Variants in CTNNA3 observed in about 807,000 individuals in gnomAD.
CTNNA3 encodes the protein catenin alpha-3.
In CTNNA3, 76 loss-of-function variants were observed where a neutral mutation model predicts 95.7. The observed-to-expected ratio is 0.79, with a 90% CI of 0.66 to 0.96. The LOEUF (loss-of-function observed/expected upper bound fraction) is 0.96, where lower values mean the gene tolerates loss of function less well. Among genes scored for constraint, CTNNA3 ranks in the 40% least tolerant of loss-of-function variants. CTNNA3 has a pLI of 0.00. For synonymous variants in CTNNA3, 431 were observed against 374.4 expected (o/e 1.15, Z -1.74); for missense variants, 1,191 against 1,089.8 (o/e 1.09, Z -1.31).
At chr10:66,861,939 C>A (rs7902786) in intron 7 of CTNNA3, among the ~76,000 whole-genome samples, 2 of 152,174 alleles carry the variant, frequency 1.3e-5, no homozygotes, top group Non-Finnish European at 2.9e-5. Flanking sequence ...TGTTAGCCAG[C>A]CACTGTGGGT....
intron 7 of CTNNA3, among the ~76,000 whole-genome samples, chr10:66,955,110 C>G (rs1380863149): frequency 6.6e-6 from 1 of 152,084 alleles, no homozygotes; most frequent in Non-Finnish European, 1.5e-5. Context: ...CTTCCTCTAA[C>G]CTCTGAAAAG....
At chr10:66,214,225 A>T (rs2088364507) in intron 13 of CTNNA3, among the ~76,000 whole-genome samples, 1 of 152,186 alleles carries the variant, frequency 6.6e-6, no homozygotes, top group Non-Finnish European at 1.5e-5. Flanking sequence ...AAAGGTGCCC[A>T]TTGAAATCTG....
chr10:66,209,450 G>A (rs1396363550), intron 13 of CTNNA3, among the ~76,000 whole-genome samples: 1 of 152,156 alleles, frequency 6.6e-6, no homozygotes, highest in Non-Finnish European at 1.5e-5. Context: ...GTGACATTTG[G>A]AAAAGAGTTG....
intron 9 of CTNNA3, among the ~76,000 whole-genome samples, chr10:66,624,653 G>T (rs548338804): frequency 2.8e-4 from 43 of 152,156 alleles, no homozygotes; most frequent in African/African-American, 9.9e-4. Context: ...AGAAATGAAA[G>T]GAAAAACTCA....
chr10:67,738,485 G>A (rs1841315559), intron 1 of CTNNA3, among the ~76,000 whole-genome samples: 1 of 152,084 alleles, frequency 6.6e-6, no homozygotes. Context: ...CACAAAGATG[G>A]GGAAAAAACA....
chr10:66,825,436 C>A (rs375086824), intron 7 of CTNNA3, among the ~76,000 whole-genome samples: 1 of 151,220 alleles, frequency 6.6e-6, no homozygotes, highest in African/African-American at 2.4e-5. Flanking sequence ...CCACCACACC[C>A]GGCTAATTTT....
chr10:67,240,776 G>A (rs1865687357), intron 5 of CTNNA3, among the ~76,000 whole-genome samples: 1 of 152,094 alleles, frequency 6.6e-6, no homozygotes, highest in Non-Finnish European at 1.5e-5. Context: ...AACCTATGAG[G>A]AAAACATTAT....
chr10:67,686,494 T>C lies in CTNNA3; in HGVS notation c.-6+9506A>G, dbSNP rs551503837. Among the ~76,000 whole-genome samples, 119 of 152,268 alleles carry C rather than the reference T, an allele frequency of 7.8e-4. No individual in the cohort carries two copies. In the Middle Eastern group the frequency reaches 0.014, roughly 17 times the overall value. ...GGCAGGGCTGAGGGCCACACATGTA[T>C]GCACTTGAAGCACTGGTCCCTCAAG... is the stretch of plus-strand genomic sequence containing the variant. On this transcript the variant is annotated intron_variant, in intron 1 of 17. Transcript: ENST00000433211.
At chr10:67,196,451 TATACTTATCAATTAA>T (rs1261600867) in intron 6 of CTNNA3, among the ~76,000 whole-genome samples, 19 of 152,088 alleles carry the variant, frequency 1.2e-4, no homozygotes, top group African/African-American at 4.6e-4. Context: ...AGATACTCAA[TATACTTATCAATTAA>T]ATATAATACA....
At chr10:66,104,831 G>C (rs1376676449) in intron 13 of CTNNA3, among the ~76,000 whole-genome samples, 1 of 152,182 alleles carries the variant, frequency 6.6e-6, no homozygotes, top group Admixed American at 6.5e-5. Flanking sequence ...CTTAAACGTT[G>C]CTTTACACAC....
intron 7 of CTNNA3, among the ~76,000 whole-genome samples, chr10:66,903,624 A>G (rs1462742817): frequency 6.6e-6 from 1 of 152,176 alleles, no homozygotes; most frequent in Non-Finnish European, 1.5e-5. Flanking sequence ...TATATTTAGA[A>G]AACCCCCTTG....
intron 7 of CTNNA3, chr10:67,052,773 A>T (rs1458247326): frequency 6.6e-6 from 1 of 152,212 alleles, no homozygotes; most frequent in Non-Finnish European, 1.5e-5. Flanking sequence ...CAAAGAAACA[A>T]ACAAAGTTTA....
intron 12 of CTNNA3, among the ~76,000 whole-genome samples, chr10:66,306,051 T>A (rs1422429023): frequency 2.0e-5 from 3 of 152,152 alleles, no homozygotes; most frequent in Non-Finnish European, 2.9e-5. Flanking sequence ...GATTATCACA[T>A]AATCCCACAT....
intron 4 of CTNNA3, among the ~76,000 whole-genome samples, chr10:67,530,351 A>G (rs1840289395): frequency 6.6e-6 from 1 of 152,238 alleles, no homozygotes; most frequent in African/African-American, 2.4e-5. Context: ...CAAAATGCTG[A>G]TAAGCATATG....
intron 11 of CTNNA3, among the ~76,000 whole-genome samples, chr10:66,401,873 G>T (rs2093024591): frequency 6.6e-6 from 1 of 151,872 alleles, no homozygotes; most frequent in Non-Finnish European, 1.5e-5. Flanking sequence ...TGGCCAGGCT[G>T]GTCTCAAACT....
rs551894500 is a variant in CTNNA3 at position 66,010,000 on chromosome 10, C to A, written c.2160-21203G>T. Among the ~76,000 whole-genome samples, 5 of 151,994 alleles carry A rather than the reference C, an allele frequency of 3.3e-5. No homozygotes were observed. In the East Asian group the frequency reaches 9.6e-4, roughly 29 times the overall value. On this transcript the variant is annotated intron_variant, in intron 15 of 17. Coordinates refer to ENST00000433211, the MANE Select transcript of CTNNA3 (RefSeq NM_013266.4). ...CTTGGTTCTATTAGGTATTTCCAAACAAAAGATTATGAGAAAGCATGTAGA... is the reference window on the plus strand; with the variant it reads ...CTTGGTTCTATTAGGTATTTCCAAAAAAAAGATTATGAGAAAGCATGTAGA...
At chr10:66,854,445 A>G (rs189269624) in intron 7 of CTNNA3, among the ~76,000 whole-genome samples, 72 of 152,128 alleles carry the variant, frequency 4.7e-4, no homozygotes, top group Non-Finnish European at 7.4e-4. Flanking sequence ...GGATTCGACA[A>G]ACAAGTAAAA....
At chr10:66,248,236 A>G (rs1001748998) in intron 13 of CTNNA3, among the ~76,000 whole-genome samples, 6 of 152,030 alleles carry the variant, frequency 3.9e-5, no homozygotes, top group Non-Finnish European at 7.4e-5. Flanking sequence ...TCAAATCAAA[A>G]TATACAACAG....
At chr10:66,347,921 C>A (rs2092537151) in intron 12 of CTNNA3, among the ~76,000 whole-genome samples, 2 of 151,960 alleles carry the variant, frequency 1.3e-5, no homozygotes, top group African/African-American at 4.8e-5. Flanking sequence ...TAGAAAATAG[C>A]TAGGAACTTT....
Sources: allele counts gnomAD v4.1 joint callset (sites outside exome capture counted in the v4.1 genomes callset), GRCh38; gene constraint gnomAD v4.1.1; transcripts MANE v1.5; gene names NCBI Gene and HGNC (gene_info 2026-07-23, HGNC 2026-07-21).